CROCC2: variants seen among roughly 807,000 people sequenced by gnomAD.
CROCC2 encodes ciliary rootlet coiled-coil, rootletin family member 2.
Under a neutral mutation model 177.6 loss-of-function variants are expected in CROCC2, and 163 were observed. That is an observed-to-expected ratio of 0.92 (90% CI 0.81 to 1.05). The LOEUF (loss-of-function observed/expected upper bound fraction) is 1.05. CROCC2 is among the 50% of genes least tolerant of loss of function. The probability of loss-of-function intolerance (pLI) is 0.00; values close to 1 mark genes in which losing one functional copy is unlikely to be tolerated. For missense variants in CROCC2, 1,929 were observed against 1,797.8 expected (o/e 1.07, Z -1.32); for synonymous variants, 904 against 787.3 (o/e 1.15, Z -2.48).
intron 14 of CROCC2, among the ~76,000 whole-genome samples, chr2:240,945,211 T>C (rs1401952578): frequency 1.3e-5 from 2 of 152,216 alleles, no homozygotes; most frequent in Non-Finnish European, 2.9e-5. Flanking sequence ...GCTGGGATTA[T>C]AGGCGTGAGC....
chr2:240,941,647 GTTTCTT>G (rs1454062623), intron 14 of CROCC2, among the ~76,000 whole-genome samples: 1 of 152,118 alleles, frequency 6.6e-6, no homozygotes. Context: ...ATGAAACTGT[GTTTCTT>G]TTTGTTAGTT....
At position 240,918,088 on chromosome 2, in the gene CROCC2, C is replaced by G. The variant is rs1389477127; in HGVS notation, c.79-638C>G. ...TGGGCCTTCCTGCCCACTTCTGGGC[C>G]TATTGGAGCCTCTTCCCTGGCAGTC... On this transcript the variant is annotated intron_variant, in intron 1 of 31. Transcript: ENST00000690015. The surrounding 1 kb of genome is among the most constrained non-coding windows in gnomAD (Gnocchi z 6.3). Among the ~76,000 whole-genome samples the G allele has an allele frequency of 6.6e-6, 1 of 152,210 alleles. No homozygotes were observed. The highest frequency in any genetic ancestry group is 1.9e-4 in the East Asian group (1 of 5,192).
Position 240,933,194 on chromosome 2 carries a change from G to A in CROCC2, c.1315G>A (p.Glu439Lys), listed in dbSNP as rs776780175. The part of the protein sequence containing the change: ...LVASLQEQLS[E>K]SRRELWAAQK... ...GGCCAGTCTCCAGGAGCAGCTGTCC[G>A]AAAGCCGGCGGGAGCTGTGGGCCGC... The change falls in exon 10 of 32, where the codon GAA becomes AAA. Residue 439 changes from glutamate to lysine, a missense_variant. Around this residue, in one of 3 missense-constraint regions of CROCC2, gnomAD observed 1,397 missense variants for 1,239.9 expected, o/e 1.13. Coordinates refer to ENST00000690015, the MANE Select transcript of CROCC2 (RefSeq NM_001351305.2). 1.9e-5 allele frequency: 29 copies of A among 1,549,628 alleles called. No homozygotes were observed. Among genetic ancestry groups the A allele is most frequent in the South Asian group, 3.6e-5 (3 of 84,016 alleles).
rs1470584527 is a variant in CROCC2 at position 240,966,289 on chromosome 2, G to A, written c.4026G>A (p.Ser1342=). ...QGTSPPARPH[S]PLRWPSPTPG... is the part of the protein sequence containing the mutation. ...CCAGCCCCCCAGCCAGGCCCCACTC[G>A]CCCCTCCGATGGCCCTCGCCCACAC... is the stretch of plus-strand genomic sequence containing the variant. Residue 1342 remains serine (S), a synonymous_variant, in exon 25 of 32, where the codon TCG becomes TCA. Coordinates refer to ENST00000690015, the MANE Select transcript of CROCC2 (RefSeq NM_001351305.2). 1.5e-5 allele frequency: 7 copies of A among 472,584 alleles called. No individual in the cohort carries two copies. The highest frequency in any genetic ancestry group is 1.1e-4 in the South Asian group (1 of 9,512). The allele number at this position is 472,584 out of a possible 1,614,324, so 29.3% of individuals were successfully genotyped here.
At chr2:240,959,574 T>C (rs1302190391) in intron 20 of CROCC2, 130 bp downstream of exon 20, 1 of 1,227,558 alleles carries the variant, frequency 8.1e-7, no homozygotes, top group African/African-American at 1.6e-5. Context: ...GGAAGAGTAG[T>C]CCCTGGGACT....
intron 12 of CROCC2, 135 bp downstream of exon 12, chr2:240,934,610 C>T: frequency 1.0e-6 from 1 of 969,790 alleles, no homozygotes; most frequent in Non-Finnish European, 1.5e-6. Context: ...CCCAAAGTCA[C>T]CAAAGTTCTC....
intron 5 of CROCC2, among the ~76,000 whole-genome samples, chr2:240,926,369 C>T (rs1172931796): frequency 6.6e-6 from 1 of 152,082 alleles, no homozygotes; most frequent in Non-Finnish European, 1.5e-5. Flanking sequence ...GGCACCAGCC[C>T]CTGTGGGAGG....
chr2:240,935,509 A>G lies in CROCC2; in HGVS notation c.2090A>G (p.Glu697Gly). ...CTGCAGCAGGCCTGCGGACGCCTGG[A>G]GCAGCGGCAGGAGCAGCTGGAGGGG... ...RGLQQACGRL[E>G]QRQEQLEGQA... The change falls in exon 14 of 32, where the codon GAG becomes GGG. Residue 697 changes from glutamate (E) to glycine (G), a missense_variant. Physicochemically the swap from Glu to Gly is moderately conservative, Grantham distance 98. This residue lies in a region of CROCC2 where 1,397 missense variants were observed against 1,239.9 expected (regional missense o/e 1.13). Coordinates refer to ENST00000690015, the MANE Select transcript of CROCC2 (RefSeq NM_001351305.2). The G allele has an allele frequency of 7.4e-7, 1 of 1,349,918 alleles. No individual in the cohort carries two copies. The highest frequency in any genetic ancestry group is 9.5e-7 in the Non-Finnish European group (1 of 1,047,832). The allele number at this position is 1,349,918 out of a possible 1,614,324, so 83.6% of individuals were successfully genotyped here. A position where few individuals can be genotyped will look rare whatever the true frequency, so the allele number is the denominator to read the frequency against.
At chr2:240,956,034 C>A (rs1029055646) in intron 19 of CROCC2, 62 bp downstream of exon 19, 5 of 1,230,930 alleles carry the variant, frequency 4.1e-6, no homozygotes, top group Admixed American at 2.0e-5. Context: ...CCCCAGGGGG[C>A]CACCCCTCCT....
intron 27 of CROCC2, among the ~76,000 whole-genome samples, chr2:240,975,531 G>A (rs187953660): frequency 1.2e-4 from 19 of 152,266 alleles, no homozygotes; most frequent in African/African-American, 4.3e-4. Context: ...CCCAAAGGAT[G>A]GATTTGGCGA....
At chr2:240,944,677 C>G (rs1028788627) in intron 14 of CROCC2, among the ~76,000 whole-genome samples, 1 of 151,902 alleles carries the variant, frequency 6.6e-6, no homozygotes, top group African/African-American at 2.4e-5. Context: ...AACTTTACGT[C>G]TTGCTATCCA....
chr2:240,962,199 C>T (rs1466321521), intron 20 of CROCC2, among the ~76,000 whole-genome samples: 3 of 151,766 alleles, frequency 2.0e-5, no homozygotes, highest in Non-Finnish European at 4.4e-5. Context: ...TATACAATTT[C>T]TAGCAAAGAA....
chr2:240,959,274 C>G (rs1210963511), intron 19 of CROCC2, 27 bp from the exon 20 acceptor site: 1 of 1,547,470 alleles, frequency 6.5e-7, no homozygotes, highest in African/African-American at 1.4e-5. Flanking sequence ...CTCCCTGGTG[C>G]CACCGTGGGC....
In CROCC2 at chr2:240,965,392, G is replaced by A; in HGVS notation, c.3477G>A (p.Leu1159=). ...CCCCACGCTCCCAGGTGAGGACACT[G>A]AAGGCCGAGAACCAGAGGAGGAGTG... ...LRELHRQVRT[L]KAENQRRSGE... Residue 1159 remains leucine, a synonymous_variant, in exon 23 of 32, where the codon CTG becomes CTA. Coordinates refer to ENST00000690015, the MANE Select transcript of CROCC2 (RefSeq NM_001351305.2). The A allele has an allele frequency of 6.5e-7, 1 of 1,549,472 alleles. No homozygotes were observed. Among genetic ancestry groups the A allele is most frequent in the Non-Finnish European group, 8.7e-7 (1 of 1,146,902 alleles).
At chr2:240,974,910 T>G (rs1287490895) in intron 27 of CROCC2, among the ~76,000 whole-genome samples, 1 of 152,340 alleles carries the variant, frequency 6.6e-6, no homozygotes, top group Non-Finnish European at 1.5e-5. Flanking sequence ...GAGTGTGTGT[T>G]TGTGCCACTT....
At chr2:240,946,027 C>T in intron 14 of CROCC2, 33 bp from the exon 15 acceptor site, 1 of 1,454,600 alleles carries the variant, frequency 6.9e-7, no homozygotes, top group East Asian at 2.5e-5. Flanking sequence ...TACTCTCTTT[C>T]TCTGCCGACT....
intron 18 of CROCC2, among the ~76,000 whole-genome samples, chr2:240,951,391 C>T (rs2059555491): frequency 6.6e-6 from 1 of 152,086 alleles, no homozygotes; most frequent in Non-Finnish European, 1.5e-5. Context: ...ATCCACCCAC[C>T]TATCCATCCA....
chr2:240,968,519 C>G (rs2106481955), intron 27 of CROCC2, among the ~76,000 whole-genome samples: 1 of 152,310 alleles, frequency 6.6e-6, no homozygotes, highest in African/African-American at 2.4e-5. Flanking sequence ...GGTTCTAGCC[C>G]TTGTTTTACA....
chr2:240,981,604 A>G (rs1321129036), intron 27 of CROCC2: 1 of 152,142 alleles, frequency 6.6e-6, no homozygotes, highest in South Asian at 2.1e-4. Context: ...TATTTAAGCC[A>G]TATTTGCAGA....
Sources: gnomAD v4.1 joint callset for allele counts (sites outside exome capture counted in the v4.1 genomes callset) on GRCh38, gnomAD v4.1.1 for gene constraint, gnomAD v4.1.1 regional missense constraint, Gnocchi (gnomAD v3.1) non-coding constraint, MANE v1.5 for transcripts, NCBI Gene and HGNC (gene_info 2026-07-23, HGNC 2026-07-21) for gene names.